Variants in RPTOR observed in about 807,000 individuals in gnomAD.
RPTOR encodes regulatory associated protein of MTOR complex 1.
Under a neutral mutation model 169.9 loss-of-function variants are expected in RPTOR, and 21 were observed. That is an observed-to-expected ratio of 0.12 (90% CI 0.09 to 0.18). RPTOR has a LOEUF of 0.18. Ranked by LOEUF, RPTOR falls within the 10% of genes least tolerant of loss-of-function variation. The probability of loss-of-function intolerance (pLI) is 1.00; values close to 1 mark genes in which losing one functional copy is unlikely to be tolerated. For synonymous variants in RPTOR, 732 were observed against 753.2 expected (o/e 0.97, Z 0.46); for missense variants, 1,133 against 1,855.9 (o/e 0.61, Z 7.16).
chr17:80,657,029 C>T (rs1304419998), intron 3 of RPTOR, among the ~76,000 whole-genome samples: 2 of 152,202 alleles, frequency 1.3e-5, no homozygotes, highest in East Asian at 1.9e-4. Flanking sequence ...AATTTCTCAG[C>T]GTTTCGTCAT....
At chr17:80,962,315 G>A (rs535523492) in intron 31 of RPTOR, 146 bp from the exon 32 acceptor site, 23 of 676,594 alleles carry the variant, frequency 3.4e-5, no homozygotes, top group Non-Finnish European at 5.4e-5. Context: ...CCTCACTGGG[G>A]ACGCTGAGCA....
chr17:80,738,274 A>G (rs1171049603), intron 5 of RPTOR, among the ~76,000 whole-genome samples: 1 of 152,226 alleles, frequency 6.6e-6, no homozygotes, highest in Non-Finnish European at 1.5e-5. Context: ...AGTTGGTGGG[A>G]CATTTGTGCC....
intron 1 of RPTOR, among the ~76,000 whole-genome samples, chr17:80,587,133 G>A (rs1304390601): frequency 2.0e-5 from 3 of 151,172 alleles, no homozygotes; most frequent in Admixed American, 6.6e-5. Context: ...CCGGCCCGGC[G>A]CAGCCCCGCT....
intron 3 of RPTOR, among the ~76,000 whole-genome samples, chr17:80,700,643 GTGGTGATGGTAGAGATGA>G (rs1249729030): frequency 1.3e-4 from 1 of 7,526 alleles, no homozygotes; most frequent in African/African-American, 3.8e-4. Flanking sequence ...GATGATGGTG[GTGGTGATGGTAGAGATGA>G]TGGTGATGGT....
At chr17:80,930,086 CGCA>C (rs2068858215) in intron 24 of RPTOR, among the ~76,000 whole-genome samples, 1 of 146,622 alleles carries the variant, frequency 6.8e-6, no homozygotes, top group African/African-American at 2.5e-5. Flanking sequence ...TCATCCCCAG[CGCA>C]TCCTCAACTC....
At chr17:80,576,677 G>A (rs967529185) in intron 1 of RPTOR, among the ~76,000 whole-genome samples, 4 of 152,142 alleles carry the variant, frequency 2.6e-5, no homozygotes, top group South Asian at 2.1e-4. Context: ...CATTCACTTC[G>A]TTAGTCTGAA....
intron 3 of RPTOR, among the ~76,000 whole-genome samples, chr17:80,706,480 A>C (rs1378503553): frequency 1.3e-5 from 2 of 152,168 alleles, no homozygotes; most frequent in Non-Finnish European, 2.9e-5. Flanking sequence ...AAGTTGGCAC[A>C]GTTTTACTAA....
chr17:80,893,279 C>CCAGGGTGTGTGTGCG (rs2068350331), intron 19 of RPTOR, among the ~76,000 whole-genome samples: 1 of 137,160 alleles, frequency 7.3e-6, no homozygotes, highest in Non-Finnish European at 1.6e-5. Context: ...TGCGTGTGTA[C>CCAGGGTGTGTGTGCG]CAGGGTGTGT....
At chr17:80,888,840 G>T (rs748392349) in intron 17 of RPTOR, among the ~76,000 whole-genome samples, 1 of 152,250 alleles carries the variant, frequency 6.6e-6, no homozygotes, top group Non-Finnish European at 1.5e-5. Context: ...GAGGGGCTGG[G>T]TGTGAGAGTG....
intron 3 of RPTOR, among the ~76,000 whole-genome samples, chr17:80,682,227 CCA>C (rs2065905041): frequency 6.6e-6 from 1 of 151,744 alleles, no homozygotes; most frequent in African/African-American, 2.4e-5. Context: ...CCTCAGCCTC[CCA>C]AGTATCTAGA....
At chr17:80,897,260 A>AT (rs1405678283) in intron 20 of RPTOR, among the ~76,000 whole-genome samples, 1 of 152,092 alleles carries the variant, frequency 6.6e-6, no homozygotes, top group Non-Finnish European at 1.5e-5. Context: ...AAAAAAAAAA[A>AT]AGAATGGCAG....
At chr17:80,840,736 C>T (rs1266379340) in intron 10 of RPTOR, among the ~76,000 whole-genome samples, 4 of 130,296 alleles carry the variant, frequency 3.1e-5, no homozygotes, top group South Asian at 2.8e-4. Context: ...TCACTCTCAC[C>T]GCACGGCAGC....
At chr17:80,876,032 A>G (rs1244894179) in intron 13 of RPTOR, among the ~76,000 whole-genome samples, 1 of 40,464 alleles carries the variant, frequency 2.5e-5, no homozygotes, top group Non-Finnish European at 4.3e-5. Flanking sequence ...GCCGCCCAGG[A>G]TGTGTGTGTC....
intron 13 of RPTOR, among the ~76,000 whole-genome samples, chr17:80,879,257 C>T (rs1012190512): frequency 6.6e-6 from 1 of 151,750 alleles, no homozygotes; most frequent in Non-Finnish European, 1.5e-5. Flanking sequence ...GACCCAGCTC[C>T]AACCCAGCCT....
chr17:80,948,015 C>T (rs369541670), intron 27 of RPTOR, among the ~76,000 whole-genome samples: 2 of 152,228 alleles, frequency 1.3e-5, no homozygotes, highest in East Asian at 3.8e-4. Flanking sequence ...TTTCCTTTAG[C>T]GCTTTGAAAA....
chr17:80,613,850 C>T (rs748382426), intron 1 of RPTOR, among the ~76,000 whole-genome samples: 60 of 152,202 alleles, frequency 3.9e-4, no homozygotes, highest in Middle Eastern at 3.4e-3. Flanking sequence ...TGTTGAGACT[C>T]GGGCTGGGCC....
At chr17:80,584,055 AG>A (rs1290878090) in intron 1 of RPTOR, among the ~76,000 whole-genome samples, 1 of 152,154 alleles carries the variant, frequency 6.6e-6, no homozygotes, top group Admixed American at 6.5e-5. Flanking sequence ...TGCAGAGGTC[AG>A]GGGCATGGCG....
intron 2 of RPTOR, among the ~76,000 whole-genome samples, chr17:80,641,359 G>T (rs2065552736): frequency 6.6e-6 from 1 of 152,218 alleles, no homozygotes; most frequent in Non-Finnish European, 1.5e-5. Flanking sequence ...TTTCCAGAAG[G>T]TTAGGGCCTG....
intron 4 of RPTOR, among the ~76,000 whole-genome samples, chr17:80,724,585 C>T (rs2066314318): frequency 2.0e-5 from 3 of 152,144 alleles, no homozygotes; most frequent in Admixed American, 6.5e-5. Context: ...GTTCTACCAT[C>T]GCAACAGCGG....
Sources: allele counts gnomAD v4.1 joint callset (sites outside exome capture counted in the v4.1 genomes callset), GRCh38; gene constraint gnomAD v4.1.1; transcripts MANE v1.5; gene names NCBI Gene and HGNC (gene_info 2026-07-23, HGNC 2026-07-21).